Variants in SEMA6D observed in about 807,000 individuals in gnomAD.
SEMA6D encodes semaphorin-6D.
SEMA6D carries 35 observed loss-of-function variants against 106.6 expected under a neutral mutation model. That is an observed-to-expected ratio of 0.33 (90% CI 0.25 to 0.44). SEMA6D has a LOEUF of 0.44. Ranked by LOEUF, SEMA6D falls within the 20% of genes least tolerant of loss-of-function variation. The probability of loss-of-function intolerance (pLI) is 1.00; values close to 1 mark genes in which losing one functional copy is unlikely to be tolerated. For synonymous variants in SEMA6D, 499 were observed against 487.7 expected (o/e 1.02, Z -0.31); for missense variants, 1,185 against 1,345.9 (o/e 0.88, Z 1.87).
intron 3 of SEMA6D, among the ~76,000 whole-genome samples, chr15:47,523,388 A>G (rs1253990263): frequency 6.6e-6 from 1 of 152,064 alleles, no homozygotes; most frequent in Non-Finnish European, 1.5e-5. Context: ...GCCAAGTTTC[A>G]GCTGTGAATC....
chr15:47,758,854 A>T (rs188080025), intron 1 of SEMA6D, among the ~76,000 whole-genome samples: 7 of 152,158 alleles, frequency 4.6e-5, no homozygotes, highest in Admixed American at 4.6e-4. Flanking sequence ...ATCTTGCCTT[A>T]ACTAGCTCCA....
chr15:47,423,010 C>A (rs1402763107), intron 2 of SEMA6D, among the ~76,000 whole-genome samples: 1 of 152,020 alleles, frequency 6.6e-6, no homozygotes, highest in Non-Finnish European at 1.5e-5. Flanking sequence ...GCTAAAACAA[C>A]CTTTAACAAA....
At chr15:47,572,492 C>T (rs2076079818) in intron 3 of SEMA6D, among the ~76,000 whole-genome samples, 1 of 152,130 alleles carries the variant, frequency 6.6e-6, no homozygotes, top group African/African-American at 2.4e-5. Flanking sequence ...CTGTGATAGA[C>T]CCTGGCCCTT....
chr15:47,282,808 A>G (rs1343662408), intron 1 of SEMA6D, among the ~76,000 whole-genome samples: 3 of 152,142 alleles, frequency 2.0e-5, no homozygotes, highest in Non-Finnish European at 4.4e-5. Context: ...TCCTGACATC[A>G]GCCCCAAGGC....
intron 1 of SEMA6D, among the ~76,000 whole-genome samples, chr15:47,752,097 A>G (rs1489961119): frequency 6.6e-6 from 1 of 152,222 alleles, no homozygotes; most frequent in Non-Finnish European, 1.5e-5. Context: ...CTTGAAGGCC[A>G]CATTTAAAAG....
At chr15:47,645,956 C>T (rs1024406895) in intron 4 of SEMA6D, among the ~76,000 whole-genome samples, 3 of 152,132 alleles carry the variant, frequency 2.0e-5, no homozygotes, top group East Asian at 3.9e-4. Flanking sequence ...ACCGAGCTTC[C>T]GTGTCCTCTC....
upstream of SEMA6D, among the ~76,000 whole-genome samples, chr15:47,716,610 G>A (rs1048779003): frequency 2.6e-5 from 4 of 152,106 alleles, no homozygotes; most frequent in African/African-American, 9.7e-5. Flanking sequence ...ATAAAACACA[G>A]CCCGTTCTTG....
intron 2 of SEMA6D, among the ~76,000 whole-genome samples, chr15:47,420,436 A>G (rs183839148): frequency 3.3e-5 from 5 of 152,198 alleles, no homozygotes; most frequent in Admixed American, 6.6e-5. Context: ...GAATGAATGA[A>G]TAAATGTATG....
intron 1 of SEMA6D, among the ~76,000 whole-genome samples, chr15:47,311,072 C>T (rs1188181083): frequency 1.2e-4 from 19 of 152,206 alleles, no homozygotes; most frequent in Admixed American, 1.2e-3. Flanking sequence ...TCATTAAAGC[C>T]TCATTGTCCT....
chr15:47,765,834 A>C, intron 13 of SEMA6D, 35 bp from the exon 14 acceptor site: 1 of 1,476,696 alleles, frequency 6.8e-7, no homozygotes, highest in Non-Finnish European at 9.0e-7. Flanking sequence ...TTGACTGACT[A>C]AACATATGGC....
At chr15:47,386,500 C>G (rs2039844233) in intron 1 of SEMA6D, among the ~76,000 whole-genome samples, 1 of 152,156 alleles carries the variant, frequency 6.6e-6, no homozygotes, top group South Asian at 2.1e-4. Context: ...CCAAGACTGG[C>G]TTCAGGGAAG....
At chr15:47,548,516 A>T (rs1251475524) in intron 3 of SEMA6D, among the ~76,000 whole-genome samples, 1 of 152,202 alleles carries the variant, frequency 6.6e-6, no homozygotes, top group Non-Finnish European at 1.5e-5. Flanking sequence ...CTTCTAATGT[A>T]GCTTTCACAG....
intron 4 of SEMA6D, 53 bp from the exon 5 acceptor site, chr15:47,761,105 C>G (rs540805949): frequency 6.2e-7 from 1 of 1,611,590 alleles, no homozygotes; most frequent in Non-Finnish European, 8.5e-7. Context: ...CCCACTGCCT[C>G]CCCAAAAATG....
chr15:47,422,594 C>T (rs2041207705), intron 2 of SEMA6D, among the ~76,000 whole-genome samples: 1 of 151,930 alleles, frequency 6.6e-6, no homozygotes, highest in Non-Finnish European at 1.5e-5. Context: ...GATGAATGTC[C>T]ATATTAAATT....
chr15:47,756,339 T>C (rs551327069), intron 1 of SEMA6D, among the ~76,000 whole-genome samples: 44 of 152,282 alleles, frequency 2.9e-4, no homozygotes, highest in African/African-American at 9.1e-4. Flanking sequence ...ACATTGCTTT[T>C]TTTTTTTCCA....
intron 1 of SEMA6D, among the ~76,000 whole-genome samples, chr15:47,344,130 G>C (rs2037943887): frequency 6.6e-6 from 1 of 152,154 alleles, no homozygotes; most frequent in African/African-American, 2.4e-5. Context: ...TTACACTGTT[G>C]GTGGGACTGT....
chr15:47,382,781 G>A (rs1226627379), intron 1 of SEMA6D, among the ~76,000 whole-genome samples: 1 of 152,124 alleles, frequency 6.6e-6, no homozygotes, highest in Admixed American at 6.5e-5. Context: ...ATTTGGTGAA[G>A]ACAAGTGACG....
intron 1 of SEMA6D, among the ~76,000 whole-genome samples, chr15:47,723,597 AT>A (rs557244975): frequency 1.1e-3 from 164 of 152,224 alleles, no homozygotes; most frequent in African/African-American, 3.7e-3. Flanking sequence ...TGTACTATAC[AT>A]TTTTCTTAGT....
In SEMA6D at chr15:47,253,922, G is replaced by C. The variant is rs142902503; in HGVS notation, c.-239+69504G>C. ...TGATACTTTGACAGCAATTGCACTGGATCTGTACATCACTTTGGGTAGTAT... is the reference window on the plus strand; with the variant it reads ...TGATACTTTGACAGCAATTGCACTGCATCTGTACATCACTTTGGGTAGTAT... On this transcript the variant is annotated intron_variant, in intron 1 of 19. Coordinates refer to the SEMA6D transcript ENST00000558014. Among the ~76,000 whole-genome samples, 708 of 152,122 alleles carry C rather than the reference G, an allele frequency of 4.7e-3. 5 individuals carry two copies. The highest frequency in any genetic ancestry group is 0.017 in the African/African-American group (692 of 41,494).
Sources: allele counts gnomAD v4.1 joint callset (sites outside exome capture counted in the v4.1 genomes callset), GRCh38; gene constraint gnomAD v4.1.1; transcripts MANE v1.5; gene names NCBI Gene and HGNC (gene_info 2026-07-23, HGNC 2026-07-21).